SIPA1L1: variants seen among roughly 807,000 people sequenced by gnomAD.
SIPA1L1 encodes the protein signal-induced proliferation-associated 1-like protein 1.
SIPA1L1 carries 26 observed loss-of-function variants against 162.7 expected under a neutral mutation model. That is an observed-to-expected ratio of 0.16 (90% CI 0.12 to 0.22). SIPA1L1 has a LOEUF of 0.22. Ranked by LOEUF, SIPA1L1 falls within the 10% of genes least tolerant of loss-of-function variation. The pLI is 1.00. For synonymous variants in SIPA1L1, 829 were observed against 837.4 expected, an observed-to-expected ratio of 0.99 and a Z score of 0.17; for missense variants, 1,874 against 2,241.0, an observed-to-expected ratio of 0.84 and a Z score of 3.31.
chr14:71,335,293 C>T (rs1012233872), intron 2 of SIPA1L1, among the ~76,000 whole-genome samples: 4 of 152,120 alleles, frequency 2.6e-5, no homozygotes, highest in African/African-American at 4.8e-5. Flanking sequence ...CAGAGTGAGA[C>T]TGTGTCTCAA....
At chr14:71,417,374 G>A (rs2042849724) in intron 2 of SIPA1L1, among the ~76,000 whole-genome samples, 1 of 146,726 alleles carries the variant, frequency 6.8e-6, no homozygotes, top group Non-Finnish European at 1.5e-5. Context: ...GGGAGGCTGA[G>A]GCAGGAGAAT....
chr14:71,625,086 T>C (rs1414596677), intron 7 of SIPA1L1, among the ~76,000 whole-genome samples: 1 of 152,068 alleles, frequency 6.6e-6, no homozygotes, highest in African/African-American at 2.4e-5. Flanking sequence ...GTTTATTTAT[T>C]TTTTTTCCCC....
At chr14:71,481,315 C>T (rs2048335332) in intron 2 of SIPA1L1, among the ~76,000 whole-genome samples, 1 of 152,000 alleles carries the variant, frequency 6.6e-6, no homozygotes, top group African/African-American at 2.4e-5. Flanking sequence ...CCTACCTCTA[C>T]AAAAAATACA....
At chr14:71,527,803 T>G (rs1426259222) in intron 3 of SIPA1L1, among the ~76,000 whole-genome samples, 1 of 152,164 alleles carries the variant, frequency 6.6e-6, no homozygotes, top group Non-Finnish European at 1.5e-5. Flanking sequence ...GACTTTCATG[T>G]TTTTCAGTCC....
At chr14:71,372,504 C>T (rs528587906) in intron 2 of SIPA1L1, among the ~76,000 whole-genome samples, 61 of 152,190 alleles carry the variant, frequency 4.0e-4, no homozygotes, top group African/African-American at 1.4e-3. Flanking sequence ...TCTACATTTA[C>T]GTTTTCAGTA....
intron 19 of SIPA1L1, among the ~76,000 whole-genome samples, chr14:71,727,899 T>C (rs993624181): frequency 6.6e-6 from 1 of 152,220 alleles, no homozygotes; most frequent in African/African-American, 2.4e-5. Context: ...CGGGGTAGGT[T>C]GCTTCCTCTG....
At chr14:71,621,648 T>C (rs2039460475) in intron 6 of SIPA1L1, among the ~76,000 whole-genome samples, 1 of 152,212 alleles carries the variant, frequency 6.6e-6, no homozygotes, top group African/African-American at 2.4e-5. Context: ...TCTGTTATAC[T>C]TAGTCATTTT....
intron 7 of SIPA1L1, 117 bp downstream of exon 7, chr14:71,624,353 G>A: frequency 1.2e-6 from 1 of 857,802 alleles, no homozygotes. Context: ...TATTGTGAAA[G>A]ACACTCTCTT....
rs149163360 is a variant in SIPA1L1, at chr14:71,645,112, A to T, written c.1819-5223A>T. 4.4e-3 allele frequency among the ~76,000 whole-genome samples: 663 copies of T among 152,320 alleles called. 3 individuals carry two copies. Among genetic ancestry groups the T allele is most frequent in the African/African-American group, 0.015 (623 of 41,556 alleles). The stretch of plus-strand genomic sequence containing the variant: ...GGTGGCTGCCCGTGCACCTTGGCTC[A>T]TGGCCCTTCCTCCATCTCCAAAGCC... On this transcript the variant is annotated intron_variant, in intron 7 of 23. Coordinates refer to ENST00000381232, the MANE Select transcript of SIPA1L1 (RefSeq NM_001386936.1).
rs1489047359 is a variant in SIPA1L1 at position 71,589,306 on chromosome 14, A to G, written c.1434A>G (p.Lys478=). 1.2e-6 allele frequency: 2 copies of G among 1,614,032 alleles called. No individual in the cohort carries two copies. The highest frequency in any genetic ancestry group is 3.3e-5 in the Admixed American group (2 of 60,008). ...ENLVLHLDRV[K]RYIVEHVDLG... ...TGGTGTTGCACCTAGATAGAGTGAA[A>G]AGATACATCGTGGAACACGTAGATC... The change falls in exon 5 of 24, where the codon AAA becomes AAG. Residue 478 remains lysine (K), a synonymous_variant. Transcript: ENST00000381232.
At chr14:71,330,527 T>A in intron 2 of SIPA1L1, 1 of 1,559,516 alleles carries the variant, frequency 6.4e-7, no homozygotes, top group Non-Finnish European at 8.8e-7. Flanking sequence ...GAGTCAGGAA[T>A]CACCTTGGAG....
intron 2 of SIPA1L1, among the ~76,000 whole-genome samples, chr14:71,501,656 C>T (rs2050225458): frequency 6.6e-6 from 1 of 152,104 alleles, no homozygotes; most frequent in Non-Finnish European, 1.5e-5. Flanking sequence ...GTGGTCGGTT[C>T]AGTTTCTGAA....
rs1057034774 is a variant in SIPA1L1, at chr14:71,377,270, C to T, written c.-465+56089C>T. 5.3e-5 allele frequency among the ~76,000 whole-genome samples: 8 copies of T among 151,360 alleles called. No individual in the cohort carries two copies. The highest frequency in any genetic ancestry group is 7.3e-5 in the African/African-American group (3 of 41,132). ...CCCACCTCCCAGACGGGGCGGCGGC[C>T]GGACGGGGGCGTTCTCCACTTCTCA... On this transcript the variant is annotated intron_variant, in intron 2 of 23. Coordinates refer to ENST00000381232, the MANE Select transcript of SIPA1L1 (RefSeq NM_001386936.1). This position sits in a 1 kb window ranked among gnomAD's most constrained non-coding sequence, Gnocchi z 4.8.
intron 10 of SIPA1L1, among the ~76,000 whole-genome samples, chr14:71,665,465 CCAG>C (rs1367243655): frequency 6.6e-6 from 1 of 152,148 alleles, no homozygotes; most frequent in East Asian, 1.9e-4. Flanking sequence ...TGAGAGCCCT[CCAG>C]TCTCTATTGT....
chr14:71,485,664 T>C (rs2048697830), intron 2 of SIPA1L1, among the ~76,000 whole-genome samples: 1 of 151,688 alleles, frequency 6.6e-6, no homozygotes, highest in Non-Finnish European at 1.5e-5. Context: ...TATTATAATG[T>C]AATAATAATA....
At chr14:71,728,550 G>A (rs904525826) in intron 19 of SIPA1L1, among the ~76,000 whole-genome samples, 7 of 152,232 alleles carry the variant, frequency 4.6e-5, no homozygotes, top group Non-Finnish European at 8.8e-5. Flanking sequence ...CACATTGAGG[G>A]TAGCCTGGAC....
At chr14:71,735,452 C>A in intron 22 of SIPA1L1, 61 bp downstream of exon 22, 1 of 1,184,676 alleles carries the variant, frequency 8.4e-7, no homozygotes, top group South Asian at 1.2e-5. Flanking sequence ...CTGACTGCAT[C>A]TGTGGGGAGA....
At chr14:71,678,073 A>G (rs1049160024) in intron 12 of SIPA1L1, among the ~76,000 whole-genome samples, 1 of 152,166 alleles carries the variant, frequency 6.6e-6, no homozygotes, top group African/African-American at 2.4e-5. Flanking sequence ...ATATACAATC[A>G]TGTCATCTGC....
chr14:71,566,293 G>A (rs552749071), intron 4 of SIPA1L1, among the ~76,000 whole-genome samples: 32 of 152,238 alleles, frequency 2.1e-4, no homozygotes, highest in Non-Finnish European at 4.3e-4. Context: ...AAATAAATAG[G>A]AGCTGTATAT....
Sources: allele counts gnomAD v4.1 joint callset (sites outside exome capture counted in the v4.1 genomes callset), GRCh38; gene constraint gnomAD v4.1.1; non-coding constraint Gnocchi (gnomAD v3.1); transcripts MANE v1.5; gene names NCBI Gene and HGNC (gene_info 2026-07-23, HGNC 2026-07-21).